Variants in OTOA observed in about 807,000 individuals in gnomAD.
OTOA encodes otoancorin.
OTOA carries 70 observed loss-of-function variants against 110.8 expected under a neutral mutation model. The ratio of observed to expected loss-of-function variants is 0.63; its 90% confidence interval spans 0.52 to 0.77. The LOEUF is 0.77. Ranked by LOEUF, OTOA falls within the 30% of genes least tolerant of loss-of-function variation. OTOA has a pLI of 0.00. For synonymous variants in OTOA, 373 were observed against 431.5 expected (o/e 0.86, Z 1.68); for missense variants, 917 against 1,075.8 (o/e 0.85, Z 2.06).
At chr16:21,677,568 G>A (rs1359880777) in intron 1 of OTOA, among the ~76,000 whole-genome samples, 3 of 139,084 alleles carry the variant, frequency 2.2e-5, no homozygotes, top group South Asian at 2.4e-4. Flanking sequence ...TGCAAGCTCC[G>A]CATCCAGGGT....
At chr16:21,710,775 G>A (rs2141689730) in intron 13 of OTOA, among the ~76,000 whole-genome samples, 1 of 152,296 alleles carries the variant, frequency 6.6e-6, no homozygotes, top group Non-Finnish European at 1.5e-5. Flanking sequence ...GGCTGAGGTG[G>A]GAGGATCACC....
chr16:21,705,553 T>A, intron 12 of OTOA: 1 of 493,778 alleles, frequency 2.0e-6, no homozygotes, highest in Non-Finnish European at 3.6e-6. Context: ...CTCATGCCTG[T>A]AATCCCAGCA....
At chr16:21,672,139 G>A (rs539114856) in intron 1 of OTOA, among the ~76,000 whole-genome samples, 3 of 152,074 alleles carry the variant, frequency 2.0e-5, no homozygotes, top group African/African-American at 7.2e-5. Context: ...ATAACTTAGA[G>A]TTTCACAGAA....
intron 11 of OTOA, among the ~76,000 whole-genome samples, chr16:21,703,117 G>T (rs923797113): frequency 1.3e-5 from 2 of 151,432 alleles, no homozygotes; most frequent in Non-Finnish European, 1.5e-5. Flanking sequence ...CTTTTTTTGC[G>T]GTGAGAACAC....
chr16:21,715,268 G>A, intron 14 of OTOA, 116 bp downstream of exon 14: 1 of 1,388,380 alleles, frequency 7.2e-7, no homozygotes, highest in Non-Finnish European at 1.0e-6. Flanking sequence ...CTCAGCTGTT[G>A]GTGTCTGGGG....
chr16:21,692,084 T>C (rs1346239173), intron 9 of OTOA, among the ~76,000 whole-genome samples: 1 of 152,062 alleles, frequency 6.6e-6, no homozygotes, highest in Non-Finnish European at 1.5e-5. Flanking sequence ...CCCAGCACTT[T>C]GGGAGGCCAA....
At position 21,685,219 on chromosome 16, in the gene OTOA, C is replaced by T; in HGVS notation, c.268-11C>T. The T allele has an allele frequency of 6.2e-7, 1 of 1,611,148 alleles. No individual in the cohort carries two copies. The highest frequency in any genetic ancestry group is 1.1e-5 in the South Asian group (1 of 90,964). ...CTGTTCTCACCGACTCTCCCAACAC[C>T]CCAAATACAGGCAGCCGTGGAAAAC... On this transcript the variant is annotated splice_polypyrimidine_tract_variant and intron_variant, in intron 6 of 28. Coordinates refer to ENST00000646100, the MANE Select transcript of OTOA (RefSeq NM_144672.4).
intron 1 of OTOA, among the ~76,000 whole-genome samples, chr16:21,672,417 G>A (rs1348490403): frequency 6.6e-6 from 1 of 152,144 alleles, no homozygotes; most frequent in Admixed American, 6.5e-5. Context: ...GAGGTCAGGA[G>A]TTCCAGACCA....
intron 1 of OTOA, among the ~76,000 whole-genome samples, chr16:21,674,447 C>A (rs1351886252): frequency 6.6e-6 from 1 of 152,100 alleles, no homozygotes; most frequent in African/African-American, 2.4e-5. Flanking sequence ...AATTCTCCTG[C>A]CTCAGCCTCC....
At chr16:21,728,998 C>T (rs1899022496) in intron 20 of OTOA, among the ~76,000 whole-genome samples, 1 of 151,790 alleles carries the variant, frequency 6.6e-6, no homozygotes, top group Non-Finnish European at 1.5e-5. Flanking sequence ...AAAGGTGGCC[C>T]TTTACAGATG....
intron 8 of OTOA, among the ~76,000 whole-genome samples, chr16:21,688,088 G>T (rs1897756364): frequency 6.6e-6 from 1 of 152,066 alleles, no homozygotes; most frequent in Non-Finnish European, 1.5e-5. Flanking sequence ...TGGAGCAAAA[G>T]CTTAACATCT....
At chr16:21,683,569 T>C (rs1261891830) in intron 6 of OTOA, among the ~76,000 whole-genome samples, 1 of 151,590 alleles carries the variant, frequency 6.6e-6, no homozygotes, top group Admixed American at 6.6e-5. Flanking sequence ...TAGCTGAGTG[T>C]GGTGGTGTGG....
intron 1 of OTOA, among the ~76,000 whole-genome samples, chr16:21,676,875 A>T (rs1339906075): frequency 1.3e-5 from 2 of 152,184 alleles, no homozygotes; most frequent in African/African-American, 4.8e-5. Context: ...TATAGAGCTC[A>T]GCTTGTTTGC....
intron 13 of OTOA, among the ~76,000 whole-genome samples, chr16:21,711,837 G>C (rs1057051637): frequency 6.6e-6 from 1 of 152,118 alleles, no homozygotes; most frequent in Non-Finnish European, 1.5e-5. Flanking sequence ...ACAAGGATTG[G>C]ATTAGGACCC....
rs767115680 is a variant in OTOA at position 21,726,636 on chromosome 16, T to C, written c.1994T>C (p.Leu665Pro). ...VLDSHKKTSVLRKVQQCLDDS... is the reference protein window; with the variant it reads ...VLDSHKKTSVPRKVQQCLDDS... Reference sequence around the variant, plus strand: ...GATTCCCACAAAAAGACTTCAGTCCTCAGGAAAGTGCAGCAGTGCCTGGTA... The same window carrying C: ...GATTCCCACAAAAAGACTTCAGTCCCCAGGAAAGTGCAGCAGTGCCTGGTA... The change falls in exon 19 of 29, where the codon CTC becomes CCC. Residue 665 changes from leucine to proline, a missense_variant. Leu to Pro is a moderately conservative substitution (Grantham distance 98). Around this residue, in one of 6 missense-constraint regions of OTOA, gnomAD observed 840 missense variants for 910.2 expected, o/e 0.92. Coordinates refer to ENST00000646100, the MANE Select transcript of OTOA (RefSeq NM_144672.4). 1 of 1,614,052 alleles carries C rather than the reference T, an allele frequency of 6.2e-7. No homozygotes were observed. Among genetic ancestry groups the C allele is most frequent in the Non-Finnish European group, 8.5e-7 (1 of 1,179,976 alleles).
At chr16:21,736,481 G>A (rs1001663434) in intron 22 of OTOA, 91 bp downstream of exon 22, 71 of 1,390,174 alleles carry the variant, frequency 5.1e-5, no homozygotes, top group Non-Finnish European at 6.7e-5. Context: ...CCTTATGCAG[G>A]GAACTGGATG....
At chr16:21,705,698 G>A (rs1449228196) in intron 12 of OTOA, among the ~76,000 whole-genome samples, 1 of 152,156 alleles carries the variant, frequency 6.6e-6, no homozygotes, top group Non-Finnish European at 1.5e-5. Context: ...TGTAATCCCA[G>A]CACTTTGGGA....
At chr16:21,710,861 G>C (rs1898332479) in intron 13 of OTOA, among the ~76,000 whole-genome samples, 1 of 152,066 alleles carries the variant, frequency 6.6e-6, no homozygotes, top group Non-Finnish European at 1.5e-5. Flanking sequence ...AAATTAGCTG[G>C]GCGTGGTGGT....
intron 1 of OTOA, among the ~76,000 whole-genome samples, 196 bp downstream of exon 1, chr16:21,664,428 A>G (rs1180690311): frequency 6.6e-6 from 1 of 151,006 alleles, no homozygotes; most frequent in Non-Finnish European, 1.5e-5. Context: ...GGGCACTTGG[A>G]GGGGGGGGAC....
Sources: allele counts gnomAD v4.1 joint callset (sites outside exome capture counted in the v4.1 genomes callset), GRCh38; gene constraint gnomAD v4.1.1; regional missense constraint gnomAD v4.1.1; transcripts MANE v1.5; gene names NCBI Gene and HGNC (gene_info 2026-07-23, HGNC 2026-07-21).